Variants in SLC6A3 observed in about 807,000 individuals in gnomAD.
SLC6A3 encodes the protein sodium-dependent dopamine transporter.
Under a neutral mutation model 70.4 loss-of-function variants are expected in SLC6A3, and 19 were observed. That is an observed-to-expected ratio of 0.27 (90% CI 0.19 to 0.40). The LOEUF is 0.40. SLC6A3 is among the 10% of genes least tolerant of loss of function. The pLI, the probability that SLC6A3 is intolerant of heterozygous loss-of-function variation, is 1.00. For missense variants in SLC6A3, 613 were observed against 838.5 expected (o/e 0.73, Z 3.32); for synonymous variants, 368 against 356.6 (o/e 1.03, Z -0.36).
rs144782362 is a variant in SLC6A3, at chr5:1,431,277, G to C, written c.653+1187C>G. Among the ~76,000 whole-genome samples the C allele has an allele frequency of 8.5e-3, 1,295 of 152,362 alleles. 12 individuals are homozygous for C. Among genetic ancestry groups the C allele is most frequent in the Non-Finnish European group, 0.015 (991 of 68,030 alleles). ...GGCTGGGCCAGGCCATTGGTGACGA[G>C]GGAGGGCCAGCAGGAGCTGGCACGG... On this transcript the variant is annotated intron_variant, in intron 4 of 14. Transcript: ENST00000270349.
intron 4 of SLC6A3, among the ~76,000 whole-genome samples, chr5:1,428,816 A>G (rs1034462026): frequency 2.0e-5 from 3 of 152,244 alleles, no homozygotes; most frequent in Non-Finnish European, 2.9e-5. Context: ...CCCAGAAGAC[A>G]TGGCCAGCGT....
chr5:1,412,038 A>T (rs1756141729), intron 8 of SLC6A3, among the ~76,000 whole-genome samples: 1 of 152,214 alleles, frequency 6.6e-6, no homozygotes, highest in African/African-American at 2.4e-5. Flanking sequence ...ATACACAAAC[A>T]CACACAAATC....
At chr5:1,432,351 T>C in intron 4 of SLC6A3, 113 bp downstream of exon 4, 2 of 768,552 alleles carry the variant, frequency 2.6e-6, no homozygotes, top group South Asian at 2.9e-5. Context: ...AGGAACAGAT[T>C]CCCCCTCCCC....
chr5:1,417,578 G>A (rs1394792589), intron 6 of SLC6A3, among the ~76,000 whole-genome samples: 1 of 152,266 alleles, frequency 6.6e-6, no homozygotes, highest in Admixed American at 6.5e-5. Context: ...GAAAGGAAAG[G>A]TGGGTGGGTC....
Position 1,394,600 on chromosome 5 carries a change from C to T in SLC6A3, c.*135G>A. 5.6e-6 allele frequency: 5 copies of T among 889,910 alleles called. No individual in the cohort carries two copies. Among genetic ancestry groups the T allele is most frequent in the Non-Finnish European group, 7.6e-6 (4 of 524,928 alleles). 55.1% of individuals were successfully genotyped at this position (889,910 alleles called of 1,614,324 possible). A position where few individuals can be genotyped will look rare whatever the true frequency, so the allele number is the denominator to read the frequency against. Reference sequence around the variant, plus strand: ...ACAGTCAGAAGAGAGGAGTCTTCTGCTTTGTTGTTTGTGTTTTCAGTAGAG... The same window carrying T: ...ACAGTCAGAAGAGAGGAGTCTTCTGTTTTGTTGTTTGTGTTTTCAGTAGAG... On this transcript the variant is annotated 3_prime_UTR_variant, in exon 15 of 15. Transcript: ENST00000270349. This position sits in a 1 kb window ranked among gnomAD's most constrained non-coding sequence, Gnocchi z 4.7.
In SLC6A3 at chr5:1,408,791, G is replaced by A. The variant is rs564810404; in HGVS notation, c.1498+235C>T. Among the ~76,000 whole-genome samples, 6 of 152,174 alleles carry A rather than the reference G, an allele frequency of 3.9e-5. No individual in the cohort carries two copies. Among genetic ancestry groups the A allele is most frequent in the South Asian group, 2.1e-4 (1 of 4,824 alleles). On this transcript the variant is annotated intron_variant, in intron 11 of 14. Coordinates refer to ENST00000270349, the MANE Select transcript of SLC6A3 (RefSeq NM_001044.5). This position sits in a 1 kb window ranked among gnomAD's most constrained non-coding sequence, Gnocchi z 6.4. ...TGGAGGAGGCAGAAGACGCCCAGCC[G>A]CTGTGAACACCTCTGACCACAGTGT... is the stretch of plus-strand genomic sequence containing the variant.
At chr5:1,400,814 C>A in intron 14 of SLC6A3, 101 bp downstream of exon 14, 6 of 869,934 alleles carry the variant, frequency 6.9e-6, no homozygotes, top group Non-Finnish European at 1.1e-5. Flanking sequence ...TAAATGAGCA[C>A]CATCTACACC....
chr5:1,409,120 G>C lies in SLC6A3; in HGVS notation c.1404C>G (p.Gly468=). The C allele has an allele frequency of 6.2e-7, 1 of 1,608,394 alleles. No homozygotes were observed. The highest frequency in any genetic ancestry group is 8.5e-7 in the Non-Finnish European group (1 of 1,177,262). Residue 468 remains glycine (G), a synonymous_variant, in exon 11 of 15, where the codon GGC becomes GGG. Coordinates refer to ENST00000270349, the MANE Select transcript of SLC6A3 (RefSeq NM_001044.5). The part of the protein sequence containing the change: ...LLSLFCVTNG[G]IYVFTLLDHF... ...GGTCCAGGAGCGTGAAGACGTAGAT[G>C]CCACCCTGGAAGAGAGGGGAGCCTG...
chr5:1,441,147 A>G (rs923404567), intron 3 of SLC6A3, among the ~76,000 whole-genome samples: 1 of 152,254 alleles, frequency 6.6e-6, no homozygotes, highest in African/African-American at 2.4e-5. Context: ...AATGAATTGC[A>G]GGACCCTCAC....
intron 4 of SLC6A3, among the ~76,000 whole-genome samples, chr5:1,427,892 G>A (rs1008549652): frequency 2.0e-5 from 3 of 152,166 alleles, no homozygotes; most frequent in African/African-American, 7.2e-5. Flanking sequence ...CAAATCTACA[G>A]TTACAGTTGA....
chr5:1,412,869 G>A (rs1424647130), intron 8 of SLC6A3, among the ~76,000 whole-genome samples: 3 of 152,200 alleles, frequency 2.0e-5, no homozygotes, highest in Admixed American at 2.0e-4. Context: ...CTGGGCTCTC[G>A]CAGCTCCCAG....
intron 1 of SLC6A3, among the ~76,000 whole-genome samples, chr5:1,444,865 C>T (rs2617602): frequency 6.6e-6 from 1 of 152,264 alleles, no homozygotes; most frequent in African/African-American, 2.4e-5. Flanking sequence ...CTCGCCCGGC[C>T]TCCCCGCCCT....
At chr5:1,439,969 TC>T (rs1299679301) in intron 3 of SLC6A3, among the ~76,000 whole-genome samples, 1 of 152,182 alleles carries the variant, frequency 6.6e-6, no homozygotes, top group African/African-American at 2.4e-5. Context: ...TGTGTGCCCT[TC>T]CCAGGGTCTC....
intron 4 of SLC6A3, 64 bp downstream of exon 4, chr5:1,432,400 G>T: frequency 7.9e-7 from 1 of 1,266,010 alleles, no homozygotes; most frequent in Non-Finnish European, 1.1e-6. Context: ...TCCAACCAAG[G>T]GGCTACCATG....
chr5:1,439,893 G>A (rs1329391485), intron 3 of SLC6A3, among the ~76,000 whole-genome samples: 1 of 152,206 alleles, frequency 6.6e-6, no homozygotes, highest in Non-Finnish European at 1.5e-5. Context: ...CTCTGATGGG[G>A]ACACCAGGGG....
rs1246803760 is a variant in SLC6A3 at position 1,443,186 on chromosome 5, G to A, written c.12C>T (p.Ser4=). The A allele has an allele frequency of 1.2e-6, 2 of 1,614,230 alleles. No homozygotes were observed. Among genetic ancestry groups the A allele is most frequent in the Non-Finnish European group, 1.7e-6 (2 of 1,180,036 alleles). MSK[S]KCSVGLMSSV... ...AAGACATGAGTCCCACGGAGCATTT[G>A]CTCTTACTCATGGGCACACTGGGAG... is the stretch of plus-strand genomic sequence containing the variant. The change falls in exon 2 of 15, where the codon AGC becomes AGT. Residue 4 remains serine (S), a synonymous_variant. Transcript: ENST00000270349.
intron 4 of SLC6A3, among the ~76,000 whole-genome samples, chr5:1,429,845 C>T (rs1427506141): frequency 3.9e-5 from 6 of 152,206 alleles, no homozygotes; most frequent in Admixed American, 3.9e-4. Flanking sequence ...GCAGCCCAGG[C>T]CTGGGGTGTT....
chr5:1,412,025 A>T (rs78063270), intron 8 of SLC6A3, among the ~76,000 whole-genome samples: 6 of 932 alleles, frequency 6.4e-3, no homozygotes, highest in African/African-American at 0.015. Flanking sequence ...TGCATGCACA[A>T]ACATACACAA....
At position 1,437,449 on chromosome 5, in the gene SLC6A3, G is replaced by A. The variant is rs558973511; in HGVS notation, c.418+3910C>T. The stretch of plus-strand genomic sequence containing the variant: ...ACACAGAGAGGAAAGGAGGGAGAGA[G>A]ACAGAAAGAGACACAGGGAGAGGGA... On this transcript the variant is annotated intron_variant, in intron 3 of 14. Coordinates refer to ENST00000270349, the MANE Select transcript of SLC6A3 (RefSeq NM_001044.5). The surrounding 1 kb of genome is among the most constrained non-coding windows in gnomAD (Gnocchi z 4.8). Among the ~76,000 whole-genome samples the A allele has an allele frequency of 1.8e-4, 28 of 152,064 alleles. No homozygotes were observed. The highest frequency in any genetic ancestry group is 3.9e-4 in the Admixed American group (6 of 15,268).
Sources: gnomAD v4.1 joint callset for allele counts (sites outside exome capture counted in the v4.1 genomes callset) on GRCh38, gnomAD v4.1.1 for gene constraint, Gnocchi (gnomAD v3.1) non-coding constraint, MANE v1.5 for transcripts, NCBI Gene and HGNC (gene_info 2026-07-23, HGNC 2026-07-21) for gene names.